The following DENND4C variants were observed in gnomAD, a reference collection of about 807,000 sequenced individuals.
The protein encoded by DENND4C is DENN domain containing 4C, also known as DENN domain-containing protein 4C.
In DENND4C, 108 loss-of-function variants were observed where a neutral mutation model predicts 203.0. The ratio of observed to expected loss-of-function variants is 0.53; its 90% CI spans 0.46 to 0.62. DENND4C has a LOEUF of 0.62. Ranked by LOEUF, DENND4C falls within the 20% of genes least tolerant of loss-of-function variation. The pLI is 0.00. For missense variants in DENND4C, 2,481 were observed against 2,301.2 expected, an observed-to-expected ratio of 1.08 and a Z score of -1.60; for synonymous variants, 871 against 792.4, an observed-to-expected ratio of 1.10 and a Z score of -1.67.
intron 1 of DENND4C, among the ~76,000 whole-genome samples, chr9:19,242,654 C>CTTTTTTTTTTT (rs58190075): frequency 6.9e-6 from 1 of 145,216 alleles, no homozygotes; most frequent in African/African-American, 2.5e-5. Context: ...CTATTTCTTT[C>CTTTTTTTTTTT]TTTTTTTTTT....
In DENND4C at chr9:19,235,609, C is replaced by CTTTTTTTTTTTTTTTTTT. The variant is rs58031665; in HGVS notation, c.-18+4778_-18+4795dup. Among the ~76,000 whole-genome samples, 3 of 118,940 alleles carry CTTTTTTTTTTTTTTTTTT rather than the reference C, an allele frequency of 2.5e-5. 1 individual carries two copies. The highest frequency in any genetic ancestry group is 5.1e-5 in the Non-Finnish European group (3 of 59,164). The allele number at this position is 118,940 out of a possible 152,430, so 78.0% of individuals were successfully genotyped here. On this transcript the variant is annotated intron_variant, in intron 1 of 32. Transcript: ENST00000434457. Reference sequence around the variant, plus strand: ...ATCTGTTGGTTTACAGAAGAGTCATCTTTTTTTTTTTTTTTTTTTGAGACG... The same window carrying CTTTTTTTTTTTTTTTTTT: ...ATCTGTTGGTTTACAGAAGAGTCATCTTTTTTTTTTTTTTTTTTTTTTTTTTTTTTTTTTTTTGAGACG...
intron 10 of DENND4C, among the ~76,000 whole-genome samples, chr9:19,307,912 C>T (rs1251331086): frequency 6.6e-6 from 1 of 151,934 alleles, no homozygotes; most frequent in Non-Finnish European, 1.5e-5. Flanking sequence ...CAACCATCAT[C>T]TTAGATTTGG....
At chr9:19,301,862 A>G (rs964767281) in intron 9 of DENND4C, among the ~76,000 whole-genome samples, 5 of 152,112 alleles carry the variant, frequency 3.3e-5, no homozygotes, top group African/African-American at 9.7e-5. Context: ...GCCTAAACCC[A>G]GGAGGTGAAG....
rs184513829 is a variant in DENND4C, at chr9:19,286,913, A to T, written c.450A>T (p.Arg150=). The change falls in exon 3 of 33, where the codon CGA becomes CGT. Residue 150 remains arginine, a synonymous_variant. Transcript: ENST00000434457. ...CTTATCGAAGGGCTCCTCCAGTTCG[A>T]CCCCAGAATTCCTTGGCTGTAACTG... is the stretch of plus-strand genomic sequence containing the variant. ...FITYRRAPPV[R]PQNSLAVTDI... The T allele has an allele frequency of 3.6e-4, 440 of 1,231,948 alleles. 3 individuals are homozygous for T. The African/African-American group carries it at 5.4e-3, about 15-fold the overall frequency. The allele number at this position is 1,231,948 out of a possible 1,614,324, so 76.3% of individuals were successfully genotyped here. A position where few individuals can be genotyped will look rare whatever the true frequency, so the allele number is the denominator to read the frequency against.
intron 6 of DENND4C, among the ~76,000 whole-genome samples, chr9:19,297,596 A>C (rs1463875906): frequency 2.0e-5 from 3 of 152,264 alleles, no homozygotes; most frequent in South Asian, 2.1e-4. Flanking sequence ...GGCTCCTAAG[A>C]GCTCCAAACT....
At chr9:19,343,988 C>G (rs919636314) in intron 22 of DENND4C, among the ~76,000 whole-genome samples, 1 of 152,102 alleles carries the variant, frequency 6.6e-6, no homozygotes, top group African/African-American at 2.4e-5. Context: ...AAAGCAGGTA[C>G]ATATTTTGAG....
intron 30 of DENND4C, among the ~76,000 whole-genome samples, chr9:19,367,655 C>G (rs1244820823): frequency 1.3e-5 from 2 of 152,222 alleles, no homozygotes; most frequent in East Asian, 1.9e-4. Flanking sequence ...AGGAGAATCA[C>G]TTGAACCCAG....
At chr9:19,269,037 A>ATGGGTAGAGGC (rs1831089833) in intron 1 of DENND4C, among the ~76,000 whole-genome samples, 1 of 151,968 alleles carries the variant, frequency 6.6e-6, no homozygotes, top group African/African-American at 2.4e-5. Flanking sequence ...ACTTCTCTCT[A>ATGGGTAGAGGC]CCTTTTTGTT....
At chr9:19,242,436 A>G (rs964320135) in intron 1 of DENND4C, among the ~76,000 whole-genome samples, 14 of 152,218 alleles carry the variant, frequency 9.2e-5, no homozygotes, top group Admixed American at 3.3e-4. Context: ...ATAATCAAAT[A>G]CCTCAGCAAT....
At chr9:19,313,549 G>A (rs982276520) in intron 10 of DENND4C, among the ~76,000 whole-genome samples, 1 of 152,186 alleles carries the variant, frequency 6.6e-6, no homozygotes, top group African/African-American at 2.4e-5. Context: ...ATATTAGACA[G>A]CGATTACATA....
At chr9:19,249,909 C>T (rs1200647896) in intron 1 of DENND4C, among the ~76,000 whole-genome samples, 2 of 152,154 alleles carry the variant, frequency 1.3e-5, no homozygotes, top group Non-Finnish European at 2.9e-5. Flanking sequence ...CCTCCCACTT[C>T]AGCCTCCCAA....
intron 2 of DENND4C, among the ~76,000 whole-genome samples, chr9:19,278,136 TTTTG>T (rs1289046944): frequency 3.3e-5 from 5 of 151,754 alleles, no homozygotes; most frequent in African/African-American, 1.2e-4. Flanking sequence ...TGTGGTTGTT[TTTTG>T]TTTGTTTGTT....
At chr9:19,307,784 A>AG (rs1458850424) in intron 10 of DENND4C, among the ~76,000 whole-genome samples, 1 of 151,004 alleles carries the variant, frequency 6.6e-6, no homozygotes, top group Admixed American at 6.6e-5. Context: ...AAAAAAAAAA[A>AG]AAGAAAATAT....
intron 6 of DENND4C, among the ~76,000 whole-genome samples, chr9:19,296,905 A>T (rs1338300965): frequency 2.0e-5 from 3 of 152,220 alleles, no homozygotes; most frequent in Admixed American, 2.0e-4. Context: ...TGTAGAAATT[A>T]GTCGGAATGA....
At chr9:19,349,547 C>T (rs1823629056) in intron 23 of DENND4C, among the ~76,000 whole-genome samples, 1 of 152,150 alleles carries the variant, frequency 6.6e-6, no homozygotes, top group Non-Finnish European at 1.5e-5. Context: ...CACCAGTAAG[C>T]AGTACCTGGC....
chr9:19,340,534 T>C (rs1210549623), intron 20 of DENND4C, among the ~76,000 whole-genome samples: 2 of 152,164 alleles, frequency 1.3e-5, no homozygotes, highest in African/African-American at 4.8e-5. Context: ...CCATAAGCCA[T>C]ACATAGAGAA....
intron 13 of DENND4C, 151 bp downstream of exon 13, chr9:19,324,658 AT>A: frequency 1.3e-6 from 1 of 767,504 alleles, no homozygotes; most frequent in Admixed American, 3.2e-5. Context: ...GGCTGAATAT[AT>A]GAATAAAATT....
At chr9:19,272,180 G>A (rs557142807) in intron 1 of DENND4C, among the ~76,000 whole-genome samples, 26 of 151,998 alleles carry the variant, frequency 1.7e-4, no homozygotes, top group African/African-American at 6.3e-4. Context: ...AGCACTTTGG[G>A]AGGCCAAGGT....
intron 1 of DENND4C, among the ~76,000 whole-genome samples, chr9:19,249,581 C>A (rs542326167): frequency 6.6e-6 from 1 of 152,072 alleles, no homozygotes; most frequent in Non-Finnish European, 1.5e-5. Flanking sequence ...TTAACAAACA[C>A]AAGAACTCCT....
Sources: gnomAD v4.1 joint callset for allele counts (sites outside exome capture counted in the v4.1 genomes callset) on GRCh38, gnomAD v4.1.1 for gene constraint, MANE v1.5 for transcripts, NCBI Gene and HGNC (gene_info 2026-07-23, HGNC 2026-07-21) for gene names.